The following DLG2 variants were observed in gnomAD, a reference collection of about 807,000 sequenced individuals.
DLG2 encodes the protein discs large MAGUK scaffold protein 2.
DLG2 carries 45 observed loss-of-function variants against 132.5 expected under a neutral mutation model. That is an observed-to-expected ratio of 0.34 (90% CI 0.27 to 0.44). The LOEUF (loss-of-function observed/expected upper bound fraction) is 0.44, where lower values mean the gene tolerates loss of function less well. Among genes scored for constraint, DLG2 ranks in the 20% least tolerant of loss-of-function variants. The pLI, the probability that DLG2 is intolerant of heterozygous loss-of-function variation, is 1.00. For synonymous variants in DLG2, 424 were observed against 419.6 expected (o/e 1.01, Z -0.13); for missense variants, 1,045 against 1,196.9 (o/e 0.87, Z 1.87).
chr11:83,473,123 A>G (rs59002941), intron 22 of DLG2, among the ~76,000 whole-genome samples: 2,537 of 152,256 alleles, frequency 0.017, 73 homozygotes, highest in African/African-American at 0.057. Flanking sequence ...AAAGGGTCCA[A>G]TTCAATAGAT....
intron 11 of DLG2, among the ~76,000 whole-genome samples, chr11:84,034,569 C>T (rs1198085749): frequency 6.6e-6 from 1 of 152,076 alleles, no homozygotes; most frequent in Non-Finnish European, 1.5e-5. Context: ...GCTTAAAAAC[C>T]TAGGCAGAGG....
chr11:83,544,440 CT>C (rs909602914), intron 19 of DLG2, among the ~76,000 whole-genome samples: 85 of 151,922 alleles, frequency 5.6e-4, no homozygotes, highest in Non-Finnish European at 1.1e-3. Flanking sequence ...ATCCTCCCCA[CT>C]TTTTTTTGTT....
At chr11:84,822,022 C>A (rs2077758443) in intron 6 of DLG2, among the ~76,000 whole-genome samples, 1 of 151,878 alleles carries the variant, frequency 6.6e-6, no homozygotes, top group Admixed American at 6.6e-5. Flanking sequence ...GTGCTACATA[C>A]TGGTAAACAG....
chr11:85,233,009 GC>G (rs1437064563), intron 4 of DLG2, among the ~76,000 whole-genome samples: 2 of 151,860 alleles, frequency 1.3e-5, no homozygotes, highest in Non-Finnish European at 2.9e-5. Flanking sequence ...TTCTTTCCAT[GC>G]GTTATGTTTA....
chr11:85,512,725 G>A (rs1365838102), intron 3 of DLG2, among the ~76,000 whole-genome samples: 3 of 152,036 alleles, frequency 2.0e-5, no homozygotes, highest in African/African-American at 7.2e-5. Context: ...AAAAGGGAAT[G>A]CTTATACACT....
intron 3 of DLG2, among the ~76,000 whole-genome samples, chr11:85,547,964 C>T (rs1202446885): frequency 6.6e-6 from 1 of 151,996 alleles, no homozygotes; most frequent in African/African-American, 2.4e-5. Context: ...TTTTATTACC[C>T]ACCTTCTGAA....
intron 17 of DLG2, among the ~76,000 whole-genome samples, chr11:83,833,152 T>C (rs913659402): frequency 6.6e-6 from 1 of 152,166 alleles, no homozygotes; most frequent in African/African-American, 2.4e-5. Flanking sequence ...AACTGTGACA[T>C]GTAGACCATG....
intron 6 of DLG2, among the ~76,000 whole-genome samples, chr11:85,074,456 C>G (rs188866896): frequency 2.2e-3 from 337 of 151,902 alleles, no homozygotes; most frequent in Admixed American, 6.0e-3. Context: ...AAGACACAGG[C>G]TAGAAGGATG....
chr11:84,060,537 CTT>C (rs149848087), intron 10 of DLG2, among the ~76,000 whole-genome samples: 1,650 of 147,682 alleles, frequency 0.011, 33 homozygotes, highest in African/African-American at 0.039. Context: ...AAACTTTCCT[CTT>C]TTTTTTTTTT....
At chr11:84,603,185 G>A (rs983454409) in intron 6 of DLG2, among the ~76,000 whole-genome samples, 3 of 151,898 alleles carry the variant, frequency 2.0e-5, no homozygotes, top group East Asian at 1.9e-4. Flanking sequence ...AGGCTTATTA[G>A]TCTGTCCTGA....
intron 6 of DLG2, among the ~76,000 whole-genome samples, chr11:85,056,128 G>C (rs574662243): frequency 1.2e-4 from 19 of 152,066 alleles, no homozygotes; most frequent in South Asian, 6.2e-4. Flanking sequence ...AAACAGAACA[G>C]AGTTGCCATT....
chr11:84,668,110 G>A (rs187151940), intron 6 of DLG2, among the ~76,000 whole-genome samples: 15 of 152,086 alleles, frequency 9.9e-5, no homozygotes, highest in African/African-American at 3.1e-4. Flanking sequence ...AGATAGTAAC[G>A]CCCATTTCGA....
At chr11:84,370,519 T>C (rs2098701883) in intron 7 of DLG2, among the ~76,000 whole-genome samples, 1 of 152,142 alleles carries the variant, frequency 6.6e-6, no homozygotes, top group African/African-American at 2.4e-5. Context: ...CCACATAGGA[T>C]TTTGGGGAGA....
chr11:84,396,084 C>CT (rs2098809994), intron 7 of DLG2, among the ~76,000 whole-genome samples: 1 of 152,132 alleles, frequency 6.6e-6, no homozygotes, highest in Non-Finnish European at 1.5e-5. Flanking sequence ...TTTGAGTGTT[C>CT]TTTTAGGCCA....
chr11:85,417,298 T>C (rs1241668067), intron 3 of DLG2, among the ~76,000 whole-genome samples: 1 of 152,202 alleles, frequency 6.6e-6, no homozygotes, highest in East Asian at 1.9e-4. Flanking sequence ...TGAAGCTGAC[T>C]TGATCATGGT....
intron 18 of DLG2, among the ~76,000 whole-genome samples, chr11:83,773,325 A>G (rs938151711): frequency 6.6e-6 from 1 of 152,230 alleles, no homozygotes; most frequent in Non-Finnish European, 1.5e-5. Context: ...TGTAGATTCA[A>G]TAAGAAACAC....
At chr11:84,462,358 C>T (rs572073939) in intron 7 of DLG2, among the ~76,000 whole-genome samples, 15 of 150,726 alleles carry the variant, frequency 1.0e-4, no homozygotes, top group African/African-American at 2.9e-4. Context: ...TTTTAAAAAC[C>T]TTTTTTCCAA....
At chr11:84,121,564 TTTTTTTTTTTTTTTTG>T (rs1268405089) in intron 9 of DLG2, among the ~76,000 whole-genome samples, 1 of 101,812 alleles carries the variant, frequency 9.8e-6, no homozygotes, top group Admixed American at 1.0e-4. Flanking sequence ...TTTTTTTTTT[TTTTTTTTTTTTTTTTG>T]AGACGGAGTC....
chr11:84,622,220 T>G (rs1337452112), intron 6 of DLG2, among the ~76,000 whole-genome samples: 3 of 152,130 alleles, frequency 2.0e-5, no homozygotes, highest in Admixed American at 6.6e-5. Context: ...AAAAAAATAT[T>G]TATATTTTGG....
Sources: allele counts gnomAD v4.1 joint callset (sites outside exome capture counted in the v4.1 genomes callset), GRCh38; gene constraint gnomAD v4.1.1; transcripts MANE v1.5; gene names NCBI Gene and HGNC (gene_info 2026-07-23, HGNC 2026-07-21).